PLCL2: variants seen among roughly 807,000 people sequenced by gnomAD.
The protein encoded by PLCL2 is inactive phospholipase C-like protein 2.
PLCL2 carries 4 observed loss-of-function variants against 79.6 expected under a neutral mutation model. The ratio of observed to expected loss-of-function variants is 0.05; its 90% confidence interval spans 0.02 to 0.11. The LOEUF (loss-of-function observed/expected upper bound fraction) is 0.11. Among genes scored for constraint, PLCL2 ranks in the 10% least tolerant of loss-of-function variants. PLCL2 has a pLI of 1.00. For synonymous variants in PLCL2, 484 were observed against 457.7 expected, an observed-to-expected ratio of 1.06 and a Z score of -0.73; for missense variants, 895 against 1,291.0, an observed-to-expected ratio of 0.69 and a Z score of 4.70.
At chr3:17,002,066 T>A (rs2064217282) in intron 1 of PLCL2, among the ~76,000 whole-genome samples, 1 of 152,132 alleles carries the variant, frequency 6.6e-6, no homozygotes, top group Non-Finnish European at 1.5e-5. Flanking sequence ...ATTTCACTTC[T>A]TTGGTTACAT....
intron 1 of PLCL2, among the ~76,000 whole-genome samples, chr3:16,925,116 G>A (rs1697215056): frequency 6.6e-6 from 1 of 151,636 alleles, no homozygotes; most frequent in Non-Finnish European, 1.5e-5. Flanking sequence ...GTAGAGACAG[G>A]GTTTCACCAT....
intron 1 of PLCL2, among the ~76,000 whole-genome samples, chr3:16,932,144 G>A (rs114970586): frequency 1.9e-4 from 29 of 152,272 alleles, no homozygotes; most frequent in African/African-American, 5.5e-4. Context: ...ATGGTAATTC[G>A]TTATGGCTGC....
chr3:17,070,970 C>T (rs1055128858), intron 5 of PLCL2, among the ~76,000 whole-genome samples: 4 of 152,172 alleles, frequency 2.6e-5, no homozygotes, highest in African/African-American at 9.7e-5. Context: ...TAAACATGCC[C>T]TCTCCTAAGC....
chr3:16,967,911 C>G (rs1377590209), intron 1 of PLCL2, among the ~76,000 whole-genome samples: 1 of 152,070 alleles, frequency 6.6e-6, no homozygotes, highest in Non-Finnish European at 1.5e-5. Flanking sequence ...ACATTTAAGT[C>G]TTTAGTCCAT....
At chr3:16,946,953 C>CTTTTTTTTTTTTTTTTTTTTT (rs1056023349) in intron 1 of PLCL2, among the ~76,000 whole-genome samples, 1 of 95,444 alleles carries the variant, frequency 1.0e-5, no homozygotes, top group African/African-American at 4.3e-5. Context: ...AAGTTTCATT[C>CTTTTTTTTTTTTTTTTTTTTT]TTTTTTTTTT....
At chr3:16,952,424 C>G (rs1257991781) in intron 1 of PLCL2, among the ~76,000 whole-genome samples, 1 of 135,330 alleles carries the variant, frequency 7.4e-6, no homozygotes, top group Non-Finnish European at 1.5e-5. Flanking sequence ...TTTTAGGAAC[C>G]TGTTTAACTC....
intron 1 of PLCL2, among the ~76,000 whole-genome samples, chr3:16,904,925 A>T (rs2124923885): frequency 6.6e-6 from 1 of 152,290 alleles, no homozygotes; most frequent in South Asian, 2.1e-4. Context: ...AGGCCTTCCC[A>T]GCCCTGCAGA....
At chr3:17,054,075 C>A (rs2064869889) in intron 4 of PLCL2, among the ~76,000 whole-genome samples, 1 of 152,138 alleles carries the variant, frequency 6.6e-6, no homozygotes, top group South Asian at 2.1e-4. Context: ...CATTTCTCTT[C>A]CTGTGCATAT....
At chr3:17,058,927 C>T (rs966534754) in intron 4 of PLCL2, among the ~76,000 whole-genome samples, 1 of 151,974 alleles carries the variant, frequency 6.6e-6, no homozygotes, top group African/African-American at 2.4e-5. Flanking sequence ...GTAAGGATAT[C>T]GGGGAAGCTG....
rs1559495073 is a variant in PLCL2 at position 16,948,539 on chromosome 3, A to G, written c.328-61135A>G. Among the ~76,000 whole-genome samples, 4 of 152,234 alleles carry G rather than the reference A, an allele frequency of 2.6e-5. No homozygotes were observed. The South Asian group carries it at 6.2e-4, about 24-fold the overall frequency. On this transcript the variant is annotated intron_variant, in intron 1 of 5. Coordinates refer to ENST00000615277, the MANE Select transcript of PLCL2 (RefSeq NM_001144382.2). ...TGTGTGGTGTGTGAATTATATCTCA[A>G]TAAAACTATTGTTTTTAAAAAGCAT... is the stretch of plus-strand genomic sequence containing the variant.
At chr3:16,955,585 G>C (rs2124963420) in intron 1 of PLCL2, among the ~76,000 whole-genome samples, 2 of 152,262 alleles carry the variant, frequency 1.3e-5, no homozygotes, top group Middle Eastern at 6.8e-3. Flanking sequence ...GTAGCTTGAT[G>C]GGGATGGCAT....
intron 4 of PLCL2, among the ~76,000 whole-genome samples, chr3:17,052,259 G>T (rs1036902384): frequency 6.7e-6 from 1 of 149,168 alleles, no homozygotes; most frequent in African/African-American, 2.4e-5. Context: ...AAAAATTGGG[G>T]GGGGGTGAAG....
chr3:16,903,824 A>G (rs1279206546), intron 1 of PLCL2, among the ~76,000 whole-genome samples: 2 of 152,214 alleles, frequency 1.3e-5, no homozygotes, highest in East Asian at 3.8e-4. Context: ...GGAACATGGT[A>G]TCATACACAC....
intron 1 of PLCL2, among the ~76,000 whole-genome samples, chr3:17,000,317 A>G (rs899711715): frequency 1.3e-5 from 2 of 152,100 alleles, no homozygotes; most frequent in African/African-American, 2.4e-5. Flanking sequence ...ATTTTTTTCA[A>G]TTGATACATT....
At chr3:17,005,655 C>G (rs1348572179) in intron 1 of PLCL2, among the ~76,000 whole-genome samples, 1 of 152,128 alleles carries the variant, frequency 6.6e-6, no homozygotes, top group East Asian at 1.9e-4. Context: ...ATTGCTTTAT[C>G]TAAAATCATT....
intron 3 of PLCL2, among the ~76,000 whole-genome samples, chr3:17,034,762 A>G (rs1378713526): frequency 6.6e-6 from 1 of 152,206 alleles, no homozygotes; most frequent in African/African-American, 2.4e-5. Context: ...AGCCTAGGGT[A>G]AAATTGGTTT....
chr3:16,968,473 A>G (rs1472408659), intron 1 of PLCL2, among the ~76,000 whole-genome samples: 1 of 152,104 alleles, frequency 6.6e-6, no homozygotes, highest in African/African-American at 2.4e-5. Context: ...TTCTCATTGT[A>G]GAGATCTTTC....
chr3:16,970,058 A>T (rs6805921), intron 1 of PLCL2, among the ~76,000 whole-genome samples: 47,389 of 145,640 alleles, frequency 0.33, 8,231 homozygotes, highest in East Asian at 0.48. Flanking sequence ...ATATATATAT[A>T]TTTTATTTTA....
rs73151369 is a variant in PLCL2, at chr3:17,072,390, C to T, written c.3204+4325C>T. 7.7e-3 allele frequency among the ~76,000 whole-genome samples: 1,174 copies of T among 152,034 alleles called. 20 individuals are homozygous for T. Among genetic ancestry groups the T allele is most frequent in the African/African-American group, 0.027 (1,119 of 41,484 alleles). Reference sequence around the variant, plus strand: ...TGCTATGAAAGATGACAATATGGGCCGGGCATGGTAGCTCACACCTGTAAT... The same window carrying T: ...TGCTATGAAAGATGACAATATGGGCTGGGCATGGTAGCTCACACCTGTAAT... On this transcript the variant is annotated intron_variant, in intron 5 of 5. Transcript: ENST00000615277.
Sources: gnomAD v4.1 joint callset for allele counts (sites outside exome capture counted in the v4.1 genomes callset) on GRCh38, gnomAD v4.1.1 for gene constraint, MANE v1.5 for transcripts, NCBI Gene and HGNC (gene_info 2026-07-23, HGNC 2026-07-21) for gene names.